KIAA1671: variants seen among roughly 807,000 people sequenced by gnomAD.
KIAA1671 encodes the protein KIAA1671, also known as uncharacterized protein KIAA1671.
In KIAA1671, 52 loss-of-function variants were observed where a neutral mutation model predicts 131.2. The observed-to-expected ratio is 0.40, with a 90% CI of 0.32 to 0.50. The LOEUF (loss-of-function observed/expected upper bound fraction) is 0.50, where lower values mean the gene tolerates loss of function less well. Among genes scored for constraint, KIAA1671 ranks in the 20% least tolerant of loss-of-function variants. The probability of loss-of-function intolerance (pLI) is 0.73; values close to 1 mark genes in which losing one functional copy is unlikely to be tolerated. For synonymous variants in KIAA1671, 1,003 were observed against 961.6 expected, an observed-to-expected ratio of 1.04 and a Z score of -0.80; for missense variants, 2,360 against 2,364.2, an observed-to-expected ratio of 1.00 and a Z score of 0.04.
rs555145611 is a variant in KIAA1671 at position 25,068,065 on chromosome 22, A to G, written c.4530+18701A>G. On this transcript the variant is annotated intron_variant, in intron 6 of 12. Transcript: ENST00000358431. ...GTCAGCAGGACCCAGTGCTCTGGCTATGCTGTCAGCTGGGGCTGTCCTCTG... is the reference window on the plus strand; with the variant it reads ...GTCAGCAGGACCCAGTGCTCTGGCTGTGCTGTCAGCTGGGGCTGTCCTCTG... Among the ~76,000 whole-genome samples the G allele has an allele frequency of 4.6e-5, 7 of 152,346 alleles. No individual in the cohort carries two copies. The South Asian group carries it at 1.2e-3, about 27-fold the overall frequency.
rs1568951523 is a variant in KIAA1671 at position 25,093,824 on chromosome 22, T to TTCTCTCTCTCTCTC, written c.4530+44469_4530+44470insCTCTCTCTCTCTCT. Among the ~76,000 whole-genome samples, 112 of 21,914 alleles carry TTCTCTCTCTCTCTC rather than the reference T, an allele frequency of 5.1e-3. 13 individuals are homozygous for TTCTCTCTCTCTCTC. Among genetic ancestry groups the TTCTCTCTCTCTCTC allele is most frequent in the South Asian group, 0.012 (7 of 588 alleles). 14.4% of individuals were successfully genotyped at this position (21,914 alleles called of 152,430 possible). A position where few individuals can be genotyped will look rare whatever the true frequency, so the allele number is the denominator to read the frequency against. ...TCTCTCTCTCTCTGTCTCTCTCTCTTTCTCTCTCTGTCTGTCTCTCTCTCT... is the reference window on the plus strand; with the variant it reads ...TCTCTCTCTCTCTGTCTCTCTCTCTTTCTCTCTCTCTCTCTCTCTCTCTGTCTGTCTCTCTCTCT... On this transcript the variant is annotated intron_variant, in intron 6 of 12. Coordinates refer to ENST00000358431, the MANE Select transcript of KIAA1671 (RefSeq NM_001145206.2).
chr22:25,042,182 G>A (rs1602092004), intron 5 of KIAA1671, among the ~76,000 whole-genome samples: 1 of 152,312 alleles, frequency 6.6e-6, no homozygotes, highest in Middle Eastern at 3.4e-3. Context: ...ATGCTGTTCA[G>A]CCCAAACAAG....
At chr22:24,991,427 A>T (rs1158131871) in intron 1 of KIAA1671, among the ~76,000 whole-genome samples, 1 of 151,262 alleles carries the variant, frequency 6.6e-6, no homozygotes, top group African/African-American at 2.5e-5. Flanking sequence ...CCTTGGACAG[A>T]CAGTTCATCT....
intron 1 of KIAA1671, among the ~76,000 whole-genome samples, chr22:24,955,399 A>G (rs1379531989): frequency 6.6e-6 from 1 of 152,150 alleles, no homozygotes; most frequent in Non-Finnish European, 1.5e-5. Context: ...GCCTTTGGCT[A>G]TAAGGAGGGA....
chr22:25,127,334 C>T (rs116204835), intron 6 of KIAA1671, among the ~76,000 whole-genome samples: 127 of 152,318 alleles, frequency 8.3e-4, no homozygotes, highest in African/African-American at 3.0e-3. Context: ...CCTGGAATGA[C>T]GGAACCGTGG....
intron 1 of KIAA1671, among the ~76,000 whole-genome samples, chr22:24,982,119 ACTT>A (rs199719231): frequency 0.012 from 1,773 of 152,252 alleles, 15 homozygotes; most frequent in Middle Eastern, 0.027. Context: ...ACATCTTTTT[ACTT>A]CTTATGTTAT....
At chr22:25,113,357 A>G (rs1322772186) in intron 6 of KIAA1671, among the ~76,000 whole-genome samples, 1 of 152,168 alleles carries the variant, frequency 6.6e-6, no homozygotes, top group Non-Finnish European at 1.5e-5. Context: ...GCCTAAAGAG[A>G]GGGCCTGCCA....
intron 6 of KIAA1671, among the ~76,000 whole-genome samples, chr22:25,073,659 A>G (rs1163477915): frequency 6.6e-6 from 1 of 152,104 alleles, no homozygotes. Flanking sequence ...GTACCCTTTA[A>G]CATCTTTCCA....
chr22:25,032,543 T>G, intron 3 of KIAA1671, 66 bp from the exon 4 acceptor site: 1 of 994,420 alleles, frequency 1.0e-6, no homozygotes, highest in East Asian at 2.7e-5. Flanking sequence ...CCTCCTGAGC[T>G]GGTGTGTGGG....
chr22:24,960,707 T>G (rs912219787), intron 1 of KIAA1671, among the ~76,000 whole-genome samples: 7 of 138,500 alleles, frequency 5.1e-5, no homozygotes, highest in African/African-American at 1.1e-4. Context: ...TTAACATCCC[T>G]GTTGACATGT....
chr22:25,031,480 GC>G (rs1926290302), intron 3 of KIAA1671, among the ~76,000 whole-genome samples: 1 of 152,184 alleles, frequency 6.6e-6, no homozygotes, highest in Non-Finnish European at 1.5e-5. Context: ...ACAGGCGTGA[GC>G]CACCACGCCC....
intron 3 of KIAA1671, among the ~76,000 whole-genome samples, chr22:25,030,115 C>T (rs966435492): frequency 1.3e-5 from 2 of 152,178 alleles, no homozygotes; most frequent in African/African-American, 2.4e-5. Context: ...AATAATGATA[C>T]TCTAAGTCAG....
intron 1 of KIAA1671, among the ~76,000 whole-genome samples, chr22:25,025,304 T>C (rs1925885089): frequency 6.6e-6 from 1 of 152,080 alleles, no homozygotes; most frequent in African/African-American, 2.4e-5. Flanking sequence ...CCAGTTGTAA[T>C]TGCTTGTGTG....
rs551521360 is a variant in KIAA1671 at position 25,166,452 on chromosome 22, C to T, written c.4531-4368C>T. Among the ~76,000 whole-genome samples the T allele has an allele frequency of 2.6e-5, 4 of 152,276 alleles. No homozygotes were observed. In the East Asian group the frequency reaches 5.8e-4, roughly 22 times the overall value. ...AGAGGTCTGGAAACTGCCCCCCTGCCGCCTGCCCTGGTTTCACCCTCAGCA... is the reference window on the plus strand; with the variant it reads ...AGAGGTCTGGAAACTGCCCCCCTGCTGCCTGCCCTGGTTTCACCCTCAGCA... On this transcript the variant is annotated intron_variant, in intron 6 of 12. Transcript: ENST00000358431.
chr22:24,966,324 C>A (rs1922304100), intron 1 of KIAA1671, among the ~76,000 whole-genome samples: 1 of 152,220 alleles, frequency 6.6e-6, no homozygotes, highest in Non-Finnish European at 1.5e-5. Context: ...GGCCTCCCTG[C>A]AGAAGGGGAG....
intron 1 of KIAA1671, among the ~76,000 whole-genome samples, chr22:24,984,501 G>C (rs1923411741): frequency 6.6e-6 from 1 of 152,202 alleles, no homozygotes; most frequent in African/African-American, 2.4e-5. Context: ...GTTGGTGAAG[G>C]TAATGCATCA....
intron 1 of KIAA1671, among the ~76,000 whole-genome samples, chr22:24,958,133 C>A (rs1289897663): frequency 1.3e-5 from 2 of 152,038 alleles, no homozygotes; most frequent in East Asian, 3.9e-4. Flanking sequence ...CCAAAGCTGT[C>A]TGCCTCAAAG....
At chr22:25,128,921 G>A (rs977698730) in intron 6 of KIAA1671, among the ~76,000 whole-genome samples, 1 of 152,250 alleles carries the variant, frequency 6.6e-6, no homozygotes, top group African/African-American at 2.4e-5. Flanking sequence ...AGCACCTGCT[G>A]TGTGCCAGCT....
intron 2 of KIAA1671, among the ~76,000 whole-genome samples, chr22:25,026,240 G>C (rs1388170209): frequency 6.6e-6 from 1 of 152,072 alleles, no homozygotes; most frequent in Non-Finnish European, 1.5e-5. Flanking sequence ...GCAGTGTGGG[G>C]CCCCAAGGAA....
Sources: allele counts gnomAD v4.1 joint callset (sites outside exome capture counted in the v4.1 genomes callset), GRCh38; gene constraint gnomAD v4.1.1; transcripts MANE v1.5; gene names NCBI Gene and HGNC (gene_info 2026-07-23, HGNC 2026-07-21).